The following FAT3 variants were observed in gnomAD, a reference collection of about 807,000 sequenced individuals.
FAT3 encodes the protein protocadherin Fat 3.
A neutral mutation model predicts 310.2 loss-of-function variants in FAT3; 95 were observed. The ratio of observed to expected loss-of-function variants is 0.31; its 90% CI spans 0.26 to 0.36. The LOEUF (loss-of-function observed/expected upper bound fraction) is 0.36. FAT3 is among the 10% of genes least tolerant of loss of function. The pLI, the probability that FAT3 is intolerant of heterozygous loss-of-function variation, is 1.00. For missense variants in FAT3, 5,408 were observed against 5,715.6 expected, an observed-to-expected ratio of 0.95 and a Z score of 1.74; for synonymous variants, 2,314 against 2,192.9, an observed-to-expected ratio of 1.06 and a Z score of -1.54.
intron 3 of FAT3, among the ~76,000 whole-genome samples, chr11:92,662,821 C>T (rs567488441): frequency 2.2e-4 from 33 of 152,342 alleles, no homozygotes; most frequent in Admixed American, 2.1e-3. Flanking sequence ...TGGGAACTGA[C>T]TGATCAGCCC....
In FAT3 at chr11:92,567,882, G is replaced by A. The variant is rs549491688; in HGVS notation, c.3607+42934G>A. Among the ~76,000 whole-genome samples, 135 of 148,194 alleles carry A rather than the reference G, an allele frequency of 9.1e-4. 2 individuals carry two copies. The highest frequency in any genetic ancestry group is 3.2e-3 in the African/African-American group (130 of 40,078). Reference sequence around the variant, plus strand: ...AGGGGAAGGGAACATCACACTCTGGGGACTGTTGTGGGGTTGGGGGAGGGG... The same window carrying A: ...AGGGGAAGGGAACATCACACTCTGGAGACTGTTGTGGGGTTGGGGGAGGGG... On this transcript the variant is annotated intron_variant, in intron 3 of 27. Coordinates refer to ENST00000525166, the MANE Select transcript of FAT3 (RefSeq NM_001367949.2).
rs186560719 is a variant in FAT3 at position 92,517,003 on chromosome 11, C to T, written c.3293-7631C>T. On this transcript the variant is annotated intron_variant, in intron 2 of 27. Coordinates refer to ENST00000525166, the MANE Select transcript of FAT3 (RefSeq NM_001367949.2). ...GAGAGGATACAAACAAATGGAAAAACATTCCATGCTCATGGATAGGAAGAA... is the reference window on the plus strand; with the variant it reads ...GAGAGGATACAAACAAATGGAAAAATATTCCATGCTCATGGATAGGAAGAA... Among the ~76,000 whole-genome samples the T allele has an allele frequency of 3.5e-3, 539 of 152,294 alleles. 4 individuals are homozygous for T. Among genetic ancestry groups the T allele is most frequent in the African/African-American group, 0.011 (478 of 41,572 alleles).
chr11:92,678,820 A>G (rs1216711603), intron 3 of FAT3, among the ~76,000 whole-genome samples: 1 of 152,170 alleles, frequency 6.6e-6, no homozygotes, highest in African/African-American at 2.4e-5. Context: ...AATTTGCACA[A>G]ATTTATGTGG....
intron 4 of FAT3, among the ~76,000 whole-genome samples, chr11:92,712,386 G>T (rs967597383): frequency 2.0e-5 from 3 of 152,110 alleles, no homozygotes; most frequent in Non-Finnish European, 4.4e-5. Flanking sequence ...TTGAAATGTG[G>T]TTTTCACGGA....
chr11:92,412,642 T>C (rs1480015973), intron 2 of FAT3, among the ~76,000 whole-genome samples: 1 of 139,728 alleles, frequency 7.2e-6, no homozygotes, highest in Non-Finnish European at 1.5e-5. Context: ...ATTCAAAATC[T>C]GTAATTTTAT....
chr11:92,496,955 G>A (rs773094383), intron 2 of FAT3, among the ~76,000 whole-genome samples: 1 of 151,976 alleles, frequency 6.6e-6, no homozygotes, highest in Non-Finnish European at 1.5e-5. Flanking sequence ...CACTTTACAA[G>A]CTTCACAATG....
At chr11:92,568,518 T>C (rs141102505) in intron 3 of FAT3, among the ~76,000 whole-genome samples, 1 of 152,272 alleles carries the variant, frequency 6.6e-6, no homozygotes, top group Admixed American at 6.5e-5. Context: ...TTGTTCCTCT[T>C]AGACCCTAGT....
chr11:92,789,044 A>G (rs1420988479), intron 7 of FAT3, among the ~76,000 whole-genome samples: 1 of 152,220 alleles, frequency 6.6e-6, no homozygotes, highest in Non-Finnish European at 1.5e-5. Flanking sequence ...AAACATACTT[A>G]AAAAACAATT....
intron 6 of FAT3, among the ~76,000 whole-genome samples, chr11:92,766,465 A>G (rs1433376747): frequency 6.6e-6 from 1 of 152,210 alleles, no homozygotes; most frequent in East Asian, 1.9e-4. Flanking sequence ...GCATTTAGAA[A>G]GTTCCACAGC....
At chr11:92,733,928 T>G (rs1395370974) in intron 4 of FAT3, among the ~76,000 whole-genome samples, 1 of 152,228 alleles carries the variant, frequency 6.6e-6, no homozygotes, top group African/African-American at 2.4e-5. Flanking sequence ...TAGTCTGATA[T>G]TCAATTAACA....
chr11:92,450,174 T>C (rs1045670785), intron 2 of FAT3, among the ~76,000 whole-genome samples: 17 of 152,240 alleles, frequency 1.1e-4, no homozygotes, highest in Non-Finnish European at 2.1e-4. Flanking sequence ...CGTTGAGGTT[T>C]CATTCATTGC....
intron 21 of FAT3, among the ~76,000 whole-genome samples, chr11:92,860,375 A>G (rs974304284): frequency 2.6e-5 from 4 of 152,102 alleles, no homozygotes; most frequent in Admixed American, 1.3e-4. Flanking sequence ...TCTCCATACT[A>G]TCCCTCACTC....
chr11:92,803,589 C>T (rs747489095), intron 10 of FAT3, among the ~76,000 whole-genome samples: 20 of 152,280 alleles, frequency 1.3e-4, no homozygotes, highest in East Asian at 1.9e-4. Context: ...TCAGCCACAC[C>T]GCTATTGACA....
intron 5 of FAT3, 69 bp from the exon 6 acceptor site, chr11:92,764,810 G>A (rs1300286910): frequency 4.2e-5 from 61 of 1,447,302 alleles, no homozygotes; most frequent in Non-Finnish European, 5.4e-5. Context: ...AGCAACATGA[G>A]TGACAGATCC....
intron 2 of FAT3, among the ~76,000 whole-genome samples, chr11:92,473,443 T>C (rs1257383359): frequency 1.3e-5 from 2 of 152,210 alleles, no homozygotes; most frequent in Non-Finnish European, 2.9e-5. Flanking sequence ...TGAGACCCTT[T>C]TTTAGTTGAT....
Position 92,688,924 on chromosome 11 carries a change from A to T in FAT3, c.3608-8460A>T, listed in dbSNP as rs570206588. Among the ~76,000 whole-genome samples the T allele has an allele frequency of 4.6e-5, 7 of 152,288 alleles. No individual in the cohort carries two copies. In the East Asian group the frequency reaches 1.4e-3, roughly 29 times the overall value. ...CTGTCAGATGACAGAGTGAGTATTA[A>T]ATGTTTTAGAACTTTTGCTGCCCAA... On this transcript the variant is annotated intron_variant, in intron 3 of 27. Transcript: ENST00000525166.
At chr11:92,505,038 T>C (rs1953056158) in intron 2 of FAT3, among the ~76,000 whole-genome samples, 1 of 152,068 alleles carries the variant, frequency 6.6e-6, no homozygotes, top group African/African-American at 2.4e-5. Context: ...GGCAGAACAA[T>C]GCAATGCACT....
intron 3 of FAT3, among the ~76,000 whole-genome samples, chr11:92,591,023 G>T (rs1251338325): frequency 6.6e-6 from 1 of 152,118 alleles, no homozygotes; most frequent in South Asian, 2.1e-4. Flanking sequence ...CTCTGTGTGT[G>T]TTCTCAGTCA....
chr11:92,551,416 G>GTTTTGTGTGTGTA, intron 3 of FAT3, among the ~76,000 whole-genome samples: 1 of 63,422 alleles, frequency 1.6e-5, no homozygotes, highest in South Asian at 7.5e-4. Flanking sequence ...TTTTTGTTTT[G>GTTTTGTGTGTGTA]TGTGTGTGTG....
Sources: gnomAD v4.1 joint callset for allele counts (sites outside exome capture counted in the v4.1 genomes callset) on GRCh38, gnomAD v4.1.1 for gene constraint, MANE v1.5 for transcripts, NCBI Gene and HGNC (gene_info 2026-07-23, HGNC 2026-07-21) for gene names.